The following RNLS variants were observed in gnomAD, a reference collection of about 807,000 sequenced individuals.
The protein encoded by RNLS is renalase.
RNLS carries 39 observed loss-of-function variants against 39.8 expected under a neutral mutation model. The observed-to-expected ratio is 0.98, with a 90% CI of 0.76 to 1.28. The LOEUF is 1.28. Among genes scored for constraint, RNLS ranks in the 50% most tolerant of loss-of-function variants. The pLI is 0.00. For synonymous variants in RNLS, 147 were observed against 150.7 expected (o/e 0.98, Z 0.18); for missense variants, 410 against 413.3 (o/e 0.99, Z 0.07).
At chr10:88,399,064 T>C (rs1224690511) in intron 4 of RNLS, among the ~76,000 whole-genome samples, 3 of 151,908 alleles carry the variant, frequency 2.0e-5, no homozygotes, top group African/African-American at 7.2e-5. Flanking sequence ...ATTAGGGAAA[T>C]GGAAATCAAA....
chr10:88,536,200 T>A (rs192821099), intron 4 of RNLS, among the ~76,000 whole-genome samples: 25 of 152,342 alleles, frequency 1.6e-4, no homozygotes, highest in Admixed American at 1.2e-3. Flanking sequence ...AAATACCTAA[T>A]GTTTGGAAAG....
downstream of RNLS, among the ~76,000 whole-genome samples, chr10:88,271,043 T>C (rs1842636684): frequency 6.6e-6 from 1 of 152,010 alleles, no homozygotes; most frequent in South Asian, 2.1e-4. Context: ...CTCCAGGGGG[T>C]CATCAAGAGG....
At chr10:88,178,096 C>G in the RNLS span, among the ~76,000 whole-genome samples, 1 of 152,156 alleles carries the variant, frequency 6.6e-6, no homozygotes, top group Non-Finnish European at 1.5e-5. Context: ...TGTGGGCAGC[C>G]TTTCTGCTGC....
chr10:88,513,658 C>A (rs1589932709), intron 4 of RNLS, among the ~76,000 whole-genome samples: 1 of 152,066 alleles, frequency 6.6e-6, no homozygotes, highest in African/African-American at 2.4e-5. Context: ...TTTGTCATTA[C>A]AATTAGTACT....
At chr10:88,262,814 T>C in the RNLS span, among the ~76,000 whole-genome samples, 13 of 152,314 alleles carry the variant, frequency 8.5e-5, no homozygotes, top group Admixed American at 2.6e-4. Context: ...AAGGGGATTC[T>C]GGTCAAAGTA....
chr10:88,337,738 G>A (rs1214345722), intron 5 of RNLS, among the ~76,000 whole-genome samples: 1 of 152,064 alleles, frequency 6.6e-6, no homozygotes, highest in Non-Finnish European at 1.5e-5. Flanking sequence ...GATTTTTCAG[G>A]AACAATAATA....
exon 7 of RNLS, chr10:88,274,900 G>T: frequency 1.6e-6 from 2 of 1,217,026 alleles, no homozygotes; most frequent in Non-Finnish European, 2.4e-6. Context: ...AGGCTGTGAA[G>T]TGGTATCCTT....
downstream of RNLS, among the ~76,000 whole-genome samples, chr10:88,280,425 C>T (rs1012171659): frequency 1.7e-4 from 26 of 152,194 alleles, no homozygotes; most frequent in South Asian, 2.1e-4. Flanking sequence ...ATGGACCAGA[C>T]GTGTGGATCA....
the RNLS span, among the ~76,000 whole-genome samples, chr10:88,210,884 C>T: frequency 5.9e-5 from 9 of 152,056 alleles, no homozygotes; most frequent in African/African-American, 1.9e-4. Flanking sequence ...CTGGGTGAGG[C>T]GAGTCCCAGT....
intron 4 of RNLS, among the ~76,000 whole-genome samples, chr10:88,369,784 A>G (rs1044071165): frequency 1.3e-5 from 2 of 152,076 alleles, no homozygotes; most frequent in Admixed American, 6.6e-5. Context: ...GGTTCAAGCT[A>G]TTCTCCTGCC....
intron 4 of RNLS, among the ~76,000 whole-genome samples, chr10:88,460,508 C>T (rs562584849): frequency 4.9e-4 from 75 of 152,160 alleles, no homozygotes; most frequent in African/African-American, 1.7e-3. Flanking sequence ...TCACATTTCC[C>T]GTTTATCACC....
At chr10:88,468,282 C>T (rs2133965783) in intron 4 of RNLS, among the ~76,000 whole-genome samples, 1 of 152,294 alleles carries the variant, frequency 6.6e-6, no homozygotes, top group Admixed American at 6.5e-5. Context: ...ACTAGCATAA[C>T]ATGATCATTG....
chr10:88,506,455 C>A (rs1281513531), intron 4 of RNLS, among the ~76,000 whole-genome samples: 1 of 151,808 alleles, frequency 6.6e-6, no homozygotes, highest in Non-Finnish European at 1.5e-5. Context: ...GTGATGCATG[C>A]TGAAGTACTA....
intron 6 of RNLS, among the ~76,000 whole-genome samples, chr10:88,296,877 G>A (rs1301168077): frequency 6.6e-6 from 1 of 152,010 alleles, no homozygotes; most frequent in African/African-American, 2.4e-5. Context: ...TGTCTCTACA[G>A]TTTTACCTTT....
intron 4 of RNLS, among the ~76,000 whole-genome samples, chr10:88,441,857 G>T (rs528908760): frequency 6.6e-6 from 1 of 152,180 alleles, no homozygotes; most frequent in African/African-American, 2.4e-5. Flanking sequence ...GGTCTTAATG[G>T]GGTTCCTGAG....
rs553807547 is a variant in RNLS, at chr10:88,453,949, A to G, written c.527-91224T>C. Among the ~76,000 whole-genome samples the G allele has an allele frequency of 2.0e-5, 3 of 152,346 alleles. No individual in the cohort carries two copies. In the South Asian group the frequency reaches 6.2e-4, roughly 32 times the overall value. On this transcript the variant is annotated intron_variant, in intron 4 of 6. Transcript: ENST00000331772. ...TTTGTGGAATTAAAAACAAACAAGA[A>G]CATATTGATCTAGAATATGAATAGT...
intron 6 of RNLS, among the ~76,000 whole-genome samples, chr10:88,285,928 T>C (rs186041328): frequency 6.6e-6 from 1 of 152,130 alleles, no homozygotes; most frequent in East Asian, 1.9e-4. Context: ...ATCAGCTCCT[T>C]ATAAAACAGG....
chr10:88,244,584 A>T, the RNLS span, among the ~76,000 whole-genome samples: 1 of 152,236 alleles, frequency 6.6e-6, no homozygotes, highest in East Asian at 1.9e-4. Context: ...AAAAAACAAG[A>T]TGATTCAAAC....
intron 4 of RNLS, among the ~76,000 whole-genome samples, chr10:88,569,558 A>C (rs1297067606): frequency 1.3e-5 from 2 of 152,248 alleles, no homozygotes; most frequent in East Asian, 3.8e-4. Flanking sequence ...TTTGAAAATA[A>C]GTAAGTTGAT....
Sources: allele counts gnomAD v4.1 joint callset (sites outside exome capture counted in the v4.1 genomes callset), GRCh38; gene constraint gnomAD v4.1.1; transcripts MANE v1.5; gene names NCBI Gene and HGNC (gene_info 2026-07-23, HGNC 2026-07-21).